FAM83D: variants seen among roughly 807,000 people sequenced by gnomAD.
FAM83D encodes protein FAM83D.
FAM83D carries 26 observed loss-of-function variants against 25.4 expected under a neutral mutation model. The observed-to-expected ratio is 1.02, with a 90% CI of 0.75 to 1.42. The LOEUF (loss-of-function observed/expected upper bound fraction) is 1.42, where lower values mean the gene tolerates loss of function less well. Among genes scored for constraint, FAM83D ranks in the 40% most tolerant of loss-of-function variants. The pLI is 0.00. For synonymous variants in FAM83D, 310 were observed against 318.5 expected, an observed-to-expected ratio of 0.97 and a Z score of 0.28; for missense variants, 740 against 758.1, an observed-to-expected ratio of 0.98 and a Z score of 0.28.
At chr20:38,950,110 C>T (rs555008321) in intron 3 of FAM83D, among the ~76,000 whole-genome samples, 11 of 148,952 alleles carry the variant, frequency 7.4e-5, no homozygotes, top group South Asian at 2.1e-4. Flanking sequence ...CATGAGCCAC[C>T]GTGCCCAGCC....
chr20:38,949,086 A>AG (rs1477390061), intron 3 of FAM83D, among the ~76,000 whole-genome samples: 5 of 152,110 alleles, frequency 3.3e-5, no homozygotes, highest in Non-Finnish European at 5.9e-5. Context: ...TGACGATGAT[A>AG]GCTTCCATTT....
Position 38,932,275 on chromosome 20 carries a change from A to G in FAM83D, c.483+5350A>G, listed in dbSNP as rs113524452. Among the ~76,000 whole-genome samples the G allele has an allele frequency of 7.6e-3, 1,158 of 152,270 alleles. 17 individuals carry two copies. Among genetic ancestry groups the G allele is most frequent in the African/African-American group, 0.027 (1,110 of 41,544 alleles). On this transcript the variant is annotated intron_variant, in intron 1 of 3. Coordinates refer to ENST00000619850, the MANE Select transcript of FAM83D (RefSeq NM_030919.3). ...GTGGCATGTGCCTGTAGTTCCAGCTACTCAGCAGGCTGAGGCAGGAGGATT... is the reference window on the plus strand; with the variant it reads ...GTGGCATGTGCCTGTAGTTCCAGCTGCTCAGCAGGCTGAGGCAGGAGGATT...
At position 38,926,568 on chromosome 20, in the gene FAM83D, C is replaced by A. The variant is rs903049079; in HGVS notation, c.126C>A (p.Gly42=). 1 of 1,565,104 alleles carries A rather than the reference C, an allele frequency of 6.4e-7. No homozygotes were observed. Among genetic ancestry groups the A allele is most frequent in the Non-Finnish European group, 8.6e-7 (1 of 1,162,660 alleles). The change falls in exon 1 of 4, where the codon GGC becomes GGA. Residue 42 remains glycine, a synonymous_variant. Transcript: ENST00000619850. ...TGGCTCTGGAGGAGCTGGTGGCGGGCGGCCCCGAAGCCTTCGCGGCCTTCC... is the reference window on the plus strand; with the variant it reads ...TGGCTCTGGAGGAGCTGGTGGCGGGAGGCCCCGAAGCCTTCGCGGCCTTCC... The part of the protein sequence containing the change: ...RRLALEELVA[G]GPEAFAAFLR...
chr20:38,932,891 A>G (rs1293593080), intron 1 of FAM83D, among the ~76,000 whole-genome samples: 1 of 152,132 alleles, frequency 6.6e-6, no homozygotes, highest in African/African-American at 2.4e-5. Flanking sequence ...CCTCTTGATA[A>G]CCTGAGCGTT....
chr20:38,939,965 A>G (rs2085694660), intron 1 of FAM83D, among the ~76,000 whole-genome samples: 1 of 152,184 alleles, frequency 6.6e-6, no homozygotes, highest in African/African-American at 2.4e-5. Flanking sequence ...CCACTTGCCC[A>G]GGGTCACACA....
chr20:38,940,752 C>A (rs2145804425), intron 1 of FAM83D, among the ~76,000 whole-genome samples: 1 of 152,272 alleles, frequency 6.6e-6, no homozygotes, highest in Middle Eastern at 3.4e-3. Context: ...GGTTTTAAGC[C>A]TGCAAAAGGT....
rs1431418040 is a variant in FAM83D at position 38,947,915 on chromosome 20, G to A, written c.691G>A (p.Ala231Thr). ...VRTITGNIYY[A>T]RSGTKIIGKV... ...GACTATCACAGGAAATATCTACTAT[G>A]CAAGGTCAGGAACTAAGATTATTGG... The change falls in exon 3 of 4, where the codon GCA becomes ACA. Residue 231 changes from alanine to threonine, a missense_variant. Around this residue, in one of 3 missense-constraint regions of FAM83D, gnomAD observed 32 missense variants for 56.2 expected, o/e 0.57. Transcript: ENST00000619850. 1 of 1,614,004 alleles carries A rather than the reference G, an allele frequency of 6.2e-7. No individual in the cohort carries two copies. The highest frequency in any genetic ancestry group is 1.6e-4 in the Middle Eastern group (1 of 6,082).
At position 38,946,029 on chromosome 20, in the gene FAM83D, G is replaced by A. The variant is rs571006748; in HGVS notation, c.652-1847G>A. ...TTGAGACCAGCTTGGCCAATATGGC[G>A]AAACCCCGTCTCTACTAAAAATACA... is the stretch of plus-strand genomic sequence containing the variant. On this transcript the variant is annotated intron_variant, in intron 2 of 3. Transcript: ENST00000619850. Among the ~76,000 whole-genome samples the A allele has an allele frequency of 5.9e-3, 899 of 151,750 alleles. 5 individuals are homozygous for A. The highest frequency in any genetic ancestry group is 9.9e-3 in the Non-Finnish European group (674 of 67,880).
intron 2 of FAM83D, 104 bp downstream of exon 2, chr20:38,942,230 G>A: frequency 7.9e-7 from 1 of 1,270,232 alleles, no homozygotes; most frequent in Non-Finnish European, 1.1e-6. Context: ...ACAAGGAAGG[G>A]ACTGAGGCTG....
chr20:38,951,556 G>T lies in FAM83D; in HGVS notation c.794G>T (p.Gly265Val), dbSNP rs748109756. The part of the protein sequence containing the change: ...TGSYSFTWTD[G>V]KLNSSNLVIL... The stretch of plus-strand genomic sequence containing the variant: ...TCTTTAAGTTTTACATGGACGGATG[G>T]CAAATTAAACAGCAGTAACTTGGTA... The change falls in exon 4 of 4, where the codon GGC becomes GTC. Residue 265 changes from glycine to valine, a missense_variant. Physicochemically the swap from Gly to Val is moderately radical, Grantham distance 109 (BLOSUM62 -3). This residue lies in a region of FAM83D where 375 missense variants were observed against 403.2 expected (regional missense o/e 0.93). Transcript: ENST00000619850. 1 of 1,612,036 alleles carries T rather than the reference G, an allele frequency of 6.2e-7. No homozygotes were observed. Among genetic ancestry groups the T allele is most frequent in the African/African-American group, 1.3e-5 (1 of 74,946 alleles).
intron 2 of FAM83D, among the ~76,000 whole-genome samples, chr20:38,943,458 C>G (rs569727790): frequency 5.1e-4 from 78 of 152,314 alleles, no homozygotes; most frequent in African/African-American, 1.8e-3. Context: ...AGTAGTGGGC[C>G]TAGGGTCTGC....
chr20:38,926,501 G>T lies in FAM83D; in HGVS notation c.59G>T (p.Gly20Val), dbSNP rs1309276538. Residue 20 changes from glycine (G) to valine (V), a missense_variant, in exon 1 of 4, where the codon GGG (glycine) becomes GTG (valine). This residue lies in a region of FAM83D where 333 missense variants were observed against 298.6 expected (regional missense o/e 1.12). Coordinates refer to ENST00000619850, the MANE Select transcript of FAM83D (RefSeq NM_030919.3). ...CCCGCCGCCTGCCTGTCGCCGTGCG[G>T]GCCGCCCAACCCGACCGAGCTGTTC... is the stretch of plus-strand genomic sequence containing the variant. ...EVPAACLSPCGPPNPTELFSE... is the reference protein window; with the variant it reads ...EVPAACLSPCVPPNPTELFSE... 5 of 1,596,830 alleles carry T rather than the reference G, an allele frequency of 3.1e-6. No individual in the cohort carries two copies. The Admixed American group carries it at 8.4e-5, about 27-fold the overall frequency.
chr20:38,937,844 GC>G (rs1358108290), intron 1 of FAM83D, among the ~76,000 whole-genome samples: 1 of 152,118 alleles, frequency 6.6e-6, no homozygotes, highest in Non-Finnish European at 1.5e-5. Flanking sequence ...TGTAGTCCCA[GC>G]TACTTGGAAG....
intron 2 of FAM83D, among the ~76,000 whole-genome samples, chr20:38,944,527 T>C (rs2085717802): frequency 6.6e-6 from 1 of 152,250 alleles, no homozygotes; most frequent in Non-Finnish European, 1.5e-5. Context: ...ACAACTTTGG[T>C]CAAGTGATTT....
intron 2 of FAM83D, among the ~76,000 whole-genome samples, chr20:38,947,618 A>G (rs908463641): frequency 3.9e-4 from 60 of 152,342 alleles, no homozygotes; most frequent in African/African-American, 1.2e-3. Context: ...ACACGCATGA[A>G]CTAAGGGTCT....
intron 1 of FAM83D, among the ~76,000 whole-genome samples, chr20:38,941,105 G>A (rs969681324): frequency 1.3e-5 from 2 of 152,166 alleles, no homozygotes; most frequent in South Asian, 4.1e-4. Flanking sequence ...GGAGAAGAAA[G>A]GCCTGTTCTG....
rs977373364 is a variant in FAM83D at position 38,926,738 on chromosome 20, G to A, written c.296G>A (p.Gly99Asp). 3 of 1,532,078 alleles carry A rather than the reference G, an allele frequency of 2.0e-6. No individual in the cohort carries two copies. The highest frequency in any genetic ancestry group is 1.7e-6 in the Non-Finnish European group (2 of 1,146,098). 94.9% of individuals were successfully genotyped at this position (1,532,078 alleles called of 1,614,324 possible). ...SFGSSHDCSS[G>D]TYFPEQSDLE... ...GGCTCCTCGCACGACTGCTCTTCGGGCACCTACTTCCCCGAGCAGTCGGAC... is the reference window on the plus strand; with the variant it reads ...GGCTCCTCGCACGACTGCTCTTCGGACACCTACTTCCCCGAGCAGTCGGAC... The change falls in exon 1 of 4, where the codon GGC (glycine) becomes GAC (aspartate). Residue 99 changes from glycine (G) to aspartate (D), a missense_variant. Gly to Asp is a moderately conservative substitution (Grantham distance 94). This residue lies in a region of FAM83D where 333 missense variants were observed against 298.6 expected (regional missense o/e 1.12). Coordinates refer to ENST00000619850, the MANE Select transcript of FAM83D (RefSeq NM_030919.3).
At chr20:38,947,805 C>A in intron 2 of FAM83D, 71 bp from the exon 3 acceptor site, 10 of 1,560,970 alleles carry the variant, frequency 6.4e-6, no homozygotes, top group South Asian at 1.2e-5. Context: ...GGCTTTTTGT[C>A]CTAACCATTT....
chr20:38,936,032 G>T (rs2085677333), intron 1 of FAM83D, among the ~76,000 whole-genome samples: 1 of 152,246 alleles, frequency 6.6e-6, no homozygotes, highest in Non-Finnish European at 1.5e-5. Context: ...TCAGCTGGGA[G>T]AATGCAGCAG....
Sources: allele counts gnomAD v4.1 joint callset (sites outside exome capture counted in the v4.1 genomes callset), GRCh38; gene constraint gnomAD v4.1.1; regional missense constraint gnomAD v4.1.1; transcripts MANE v1.5; gene names NCBI Gene and HGNC (gene_info 2026-07-23, HGNC 2026-07-21).